The following DIS3L2 variants were observed in gnomAD, a reference collection of about 807,000 sequenced individuals.
DIS3L2 encodes the protein DIS3 like 3'-5' exoribonuclease 2, also known as DIS3-like exonuclease 2.
Under a neutral mutation model 97.5 loss-of-function variants are expected in DIS3L2, and 34 were observed. That is an observed-to-expected ratio of 0.35 (90% CI 0.27 to 0.46). DIS3L2 has a LOEUF of 0.46. Among genes scored for constraint, DIS3L2 ranks in the 20% least tolerant of loss-of-function variants. DIS3L2 has a pLI of 1.00. For synonymous variants in DIS3L2, 435 were observed against 445.2 expected, an observed-to-expected ratio of 0.98 and a Z score of 0.29; for missense variants, 1,038 against 1,146.0, an observed-to-expected ratio of 0.91 and a Z score of 1.36.
At chr2:232,189,640 A>G (rs1025080947) in intron 9 of DIS3L2, among the ~76,000 whole-genome samples, 4 of 152,210 alleles carry the variant, frequency 2.6e-5, no homozygotes, top group African/African-American at 9.6e-5. Flanking sequence ...AGTAGTGTTC[A>G]TTATCTTGAT....
chr2:232,057,584 A>C (rs886744460), intron 5 of DIS3L2, among the ~76,000 whole-genome samples: 5 of 152,204 alleles, frequency 3.3e-5, no homozygotes, highest in African/African-American at 9.6e-5. Flanking sequence ...AGCTCCAAGA[A>C]AACAAATTTT....
chr2:232,130,881 TATAA>T, intron 7 of DIS3L2, 162 bp downstream of exon 7: 1 of 1,066,002 alleles, frequency 9.4e-7, no homozygotes, highest in Non-Finnish European at 1.3e-6. Context: ...ACTTTAAACA[TATAA>T]ATACGAATCC....
intron 1 of DIS3L2, among the ~76,000 whole-genome samples, chr2:231,994,797 T>A (rs1693684934): frequency 6.6e-6 from 1 of 151,732 alleles, no homozygotes; most frequent in South Asian, 2.1e-4. Context: ...TCTTTTCTTT[T>A]TTTCTTTCAT....
chr2:232,246,898 T>C (rs1693265244), intron 11 of DIS3L2, among the ~76,000 whole-genome samples: 1 of 1,316 alleles, frequency 7.6e-4, no homozygotes. Flanking sequence ...ATAAGCTCAT[T>C]TATTTTGGAA....
chr2:232,018,880 TA>T (rs970015365), intron 3 of DIS3L2, among the ~76,000 whole-genome samples: 12 of 151,486 alleles, frequency 7.9e-5, no homozygotes, highest in African/African-American at 9.7e-5. Context: ...TTTTGAAGTT[TA>T]AAAAAAAATA....
At chr2:232,067,616 T>TA (rs1695888538) in intron 5 of DIS3L2, among the ~76,000 whole-genome samples, 1 of 152,218 alleles carries the variant, frequency 6.6e-6, no homozygotes, top group South Asian at 2.1e-4. Context: ...TGTTCAGTGT[T>TA]ATGCTCTGTA....
At chr2:232,076,204 ATT>A (rs1019627106) in intron 5 of DIS3L2, among the ~76,000 whole-genome samples, 16 of 152,196 alleles carry the variant, frequency 1.1e-4, no homozygotes, top group African/African-American at 3.9e-4. Flanking sequence ...GAGAATTTGC[ATT>A]TTCTTATCTC....
chr2:232,149,586 C>T (rs1299558583), intron 8 of DIS3L2, among the ~76,000 whole-genome samples: 2 of 144,554 alleles, frequency 1.4e-5, no homozygotes, highest in Non-Finnish European at 3.0e-5. Flanking sequence ...TTTCTTAATC[C>T]AGTCTATCAT....
chr2:232,074,806 A>G (rs1018504224), intron 5 of DIS3L2, among the ~76,000 whole-genome samples: 1 of 152,074 alleles, frequency 6.6e-6, no homozygotes, highest in Non-Finnish European at 1.5e-5. Flanking sequence ...CTGGTCTTGA[A>G]TTCTTGAGCT....
chr2:232,326,334 G>A (rs1338267037), intron 14 of DIS3L2, among the ~76,000 whole-genome samples: 1 of 152,082 alleles, frequency 6.6e-6, no homozygotes, highest in Admixed American at 6.5e-5. Context: ...CTGACCCGTG[G>A]TGCCAGGTCC....
chr2:232,102,023 C>CACCA (rs1282966627), intron 6 of DIS3L2, among the ~76,000 whole-genome samples: 2 of 152,188 alleles, frequency 1.3e-5, no homozygotes, highest in Non-Finnish European at 2.9e-5. Flanking sequence ...ATTTGGTGGT[C>CACCA]ACCAGTTTAA....
At chr2:232,208,018 C>A (rs1222501890) in intron 9 of DIS3L2, among the ~76,000 whole-genome samples, 1 of 152,044 alleles carries the variant, frequency 6.6e-6, no homozygotes, top group Non-Finnish European at 1.5e-5. Flanking sequence ...CGTCGATCAA[C>A]CCTATGAATA....
At chr2:232,077,442 G>A (rs11681266) in intron 5 of DIS3L2, among the ~76,000 whole-genome samples, 1,712 of 152,270 alleles carry the variant, frequency 0.011, 18 homozygotes, top group Non-Finnish European at 0.016. Context: ...GTATTGTAAT[G>A]TGCTATTTCT....
intron 6 of DIS3L2, among the ~76,000 whole-genome samples, chr2:232,096,700 A>G (rs1697025904): frequency 6.6e-6 from 1 of 151,378 alleles, no homozygotes; most frequent in Admixed American, 6.7e-5. Context: ...CAGTTTTGCT[A>G]TTAAAAGACT....
At chr2:232,237,681 G>T (rs924865787) in intron 10 of DIS3L2, among the ~76,000 whole-genome samples, 11 of 149,232 alleles carry the variant, frequency 7.4e-5, no homozygotes, top group African/African-American at 2.7e-4. Flanking sequence ...GGAGGAAATG[G>T]TTGGGGGCGG....
At chr2:231,969,391 A>G (rs1172121019) in intron 1 of DIS3L2, among the ~76,000 whole-genome samples, 1 of 149,958 alleles carries the variant, frequency 6.7e-6, no homozygotes, top group East Asian at 2.0e-4. Context: ...GCTCACTGCA[A>G]CCTCTACCTC....
chr2:232,026,480 G>C (rs3100606), intron 4 of DIS3L2, among the ~76,000 whole-genome samples: 47,855 of 151,714 alleles, frequency 0.32, 9,243 homozygotes, highest in Non-Finnish European at 0.43. Flanking sequence ...CCTATCCCAT[G>C]TATCTAAGCT....
intron 1 of DIS3L2, among the ~76,000 whole-genome samples, chr2:231,991,158 C>T (rs1693575768): frequency 1.3e-5 from 2 of 152,054 alleles, no homozygotes; most frequent in Admixed American, 6.6e-5. Context: ...CCGCCTGTCT[C>T]GGTCTCCCAA....
At chr2:232,130,244 T>C (rs1429610829) in intron 6 of DIS3L2, among the ~76,000 whole-genome samples, 3 of 152,240 alleles carry the variant, frequency 2.0e-5, no homozygotes, top group Non-Finnish European at 4.4e-5. Flanking sequence ...TTTCAGCAGA[T>C]GTGCATAATA....
Sources: allele counts gnomAD v4.1 joint callset (sites outside exome capture counted in the v4.1 genomes callset), GRCh38; gene constraint gnomAD v4.1.1; transcripts MANE v1.5; gene names NCBI Gene and HGNC (gene_info 2026-07-23, HGNC 2026-07-21).